Variants in EDNRA observed in about 807,000 individuals in gnomAD.
The protein encoded by EDNRA is endothelin receptor type A, also known as endothelin-1 receptor.
Under a neutral mutation model 41.4 loss-of-function variants are expected in EDNRA, and 11 were observed. The ratio of observed to expected loss-of-function variants is 0.27; its 90% CI spans 0.17 to 0.44. The LOEUF is 0.44. Ranked by LOEUF, EDNRA falls within the 20% of genes least tolerant of loss-of-function variation. The probability of loss-of-function intolerance (pLI) is 1.00; values close to 1 mark genes in which losing one functional copy is unlikely to be tolerated. For synonymous variants in EDNRA, 172 were observed against 183.0 expected (o/e 0.94, Z 0.49); for missense variants, 294 against 531.0 (o/e 0.55, Z 4.39).
At chr4:147,513,606 CAG>C (rs1729998305) in intron 2 of EDNRA, among the ~76,000 whole-genome samples, 2 of 152,142 alleles carry the variant, frequency 1.3e-5, no homozygotes, top group Non-Finnish European at 2.9e-5. Flanking sequence ...TTTTACATCC[CAG>C]TCCCTTCCCC....
In EDNRA at chr4:147,540,164, T is replaced by C. The variant is rs553629420; in HGVS notation, c.1035-213T>C. Among the ~76,000 whole-genome samples, 14 of 152,292 alleles carry C rather than the reference T, an allele frequency of 9.2e-5. 1 individual carries two copies. Among genetic ancestry groups the C allele is most frequent in the South Asian group, 8.3e-4 (4 of 4,826 alleles). Reference sequence around the variant, plus strand: ...GCCCCTCCCCTCCTGAGGCTGTGCATAAGGGTTTGAGCTAACCAACTAGTG... The same window carrying C: ...GCCCCTCCCCTCCTGAGGCTGTGCACAAGGGTTTGAGCTAACCAACTAGTG... On this transcript the variant is annotated intron_variant, in intron 6 of 7. Coordinates refer to ENST00000651419, the MANE Select transcript of EDNRA (RefSeq NM_001957.4).
chr4:147,481,573 C>G (rs1213537783), intron 1 of EDNRA, among the ~76,000 whole-genome samples, 197 bp downstream of exon 1: 1 of 152,222 alleles, frequency 6.6e-6, no homozygotes, highest in East Asian at 1.9e-4. Context: ...CGGGCGCCTT[C>G]CGTGAGGGGT....
chr4:147,491,382 A>C (rs1010237907), intron 2 of EDNRA: 2 of 152,220 alleles, frequency 1.3e-5, no homozygotes, highest in African/African-American at 4.8e-5. Flanking sequence ...GCTTCTTGAC[A>C]TATCAAATCA....
rs1004523915 is a variant in EDNRA, at chr4:147,486,652, C to T, written c.420+551C>T. Among the ~76,000 whole-genome samples the T allele has an allele frequency of 5.3e-5, 8 of 152,122 alleles. No individual in the cohort carries two copies. Among genetic ancestry groups the T allele is most frequent in the African/African-American group, 1.9e-4 (8 of 41,430 alleles). On this transcript the variant is annotated intron_variant, in intron 2 of 7. Coordinates refer to ENST00000651419, the MANE Select transcript of EDNRA (RefSeq NM_001957.4). This position sits in a 1 kb window ranked among gnomAD's most constrained non-coding sequence, Gnocchi z 4.3. ...ATGGGTGACTTAGAGATAATGGGGT[C>T]CACATGATAGCAGGCCACTGTTGAC...
chr4:147,539,775 A>T (rs1201521560), intron 5 of EDNRA, 42 bp from the exon 6 acceptor site: 1 of 1,592,654 alleles, frequency 6.3e-7, no homozygotes, highest in East Asian at 2.2e-5. Context: ...TAGTATAAAA[A>T]CACTAAATTT....
intron 2 of EDNRA, among the ~76,000 whole-genome samples, chr4:147,504,677 G>A (rs1037373638): frequency 2.0e-5 from 3 of 152,026 alleles, no homozygotes; most frequent in African/African-American, 7.3e-5. Context: ...ACAACAGCCG[G>A]GTGCGGTGGT....
chr4:147,540,542 C>G, intron 7 of EDNRA, 57 bp downstream of exon 7: 2 of 1,196,218 alleles, frequency 1.7e-6, no homozygotes, highest in Non-Finnish European at 2.4e-6. Flanking sequence ...ATTAAACAGT[C>G]AACAGACACA....
intron 2 of EDNRA, among the ~76,000 whole-genome samples, chr4:147,503,937 T>C (rs1175173023): frequency 6.6e-6 from 1 of 151,946 alleles, no homozygotes; most frequent in Non-Finnish European, 1.5e-5. Flanking sequence ...AAATGATATA[T>C]TTTTATGAAA....
Position 147,486,065 on chromosome 4 carries a change from C to G in EDNRA, c.384C>G (p.Ile128Met), listed in dbSNP as rs1728936121. The G allele has an allele frequency of 6.2e-7, 1 of 1,613,946 alleles. No individual in the cohort carries two copies. Among genetic ancestry groups the G allele is most frequent in the South Asian group, 1.1e-5 (1 of 91,040 alleles). ...CCAGTCTTGCCCTTGGAGACCTTAT[C>G]TATGTGGTCATTGATCTCCCTATCA... ...LIASLALGDL[I>M]YVVIDLPINV... Residue 128 changes from isoleucine to methionine, a missense_variant, in exon 2 of 8, where the codon ATC becomes ATG. Coordinates refer to ENST00000651419, the MANE Select transcript of EDNRA (RefSeq NM_001957.4). The surrounding 1 kb of genome is among the most constrained non-coding windows in gnomAD (Gnocchi z 4.3).
At chr4:147,501,673 T>C (rs1729521266) in intron 2 of EDNRA, among the ~76,000 whole-genome samples, 1 of 152,252 alleles carries the variant, frequency 6.6e-6, no homozygotes, top group Non-Finnish European at 1.5e-5. Context: ...TGACAGTACA[T>C]CCTGGAGATC....
rs577232882 is a variant in EDNRA, at chr4:147,538,321, G to A, written c.901-1496G>A. 1.1e-4 allele frequency among the ~76,000 whole-genome samples: 16 copies of A among 152,198 alleles called. No homozygotes were observed. The South Asian group carries it at 2.1e-3, about 20-fold the overall frequency. On this transcript the variant is annotated intron_variant, in intron 5 of 7. Coordinates refer to ENST00000651419, the MANE Select transcript of EDNRA (RefSeq NM_001957.4). ...CCCTATACTTCTCAGTAGCTCTTCC[G>A]GAAACCCATGCAATGGTTTCTATTT...
intron 4 of EDNRA, among the ~76,000 whole-genome samples, chr4:147,533,509 A>G (rs1236589413): frequency 6.6e-6 from 1 of 152,240 alleles, no homozygotes; most frequent in East Asian, 1.9e-4. Flanking sequence ...GTAATTATTT[A>G]CAGACATCTC....
intron 3 of EDNRA, among the ~76,000 whole-genome samples, chr4:147,521,384 A>G (rs1156959191): frequency 6.6e-6 from 1 of 152,202 alleles, no homozygotes; most frequent in Non-Finnish European, 1.5e-5. Flanking sequence ...GATTTGTAGG[A>G]AAGTCTAGGG....
At chr4:147,527,985 G>A (rs994961707) in intron 3 of EDNRA, among the ~76,000 whole-genome samples, 2 of 152,168 alleles carry the variant, frequency 1.3e-5, no homozygotes, top group African/African-American at 4.8e-5. Context: ...TCCTCTAAAA[G>A]TATTAGCTTT....
chr4:147,529,568 A>G (rs951752404), intron 3 of EDNRA, among the ~76,000 whole-genome samples: 1 of 152,180 alleles, frequency 6.6e-6, no homozygotes, highest in African/African-American at 2.4e-5. Flanking sequence ...TGTGGTGGAA[A>G]TCAAGTGAAG....
chr4:147,505,582 TC>T (rs1729678450), intron 2 of EDNRA, among the ~76,000 whole-genome samples: 1 of 149,352 alleles, frequency 6.7e-6, no homozygotes, highest in South Asian at 2.1e-4. Context: ...CCTCAGGCGA[TC>T]CACCCACCTC....
chr4:147,488,788 T>C (rs1729032525), intron 2 of EDNRA: 1 of 152,232 alleles, frequency 6.6e-6, no homozygotes, highest in Non-Finnish European at 1.5e-5. Context: ...CAAGAGATCC[T>C]TCCAAGCAAT....
chr4:147,491,792 AT>A (rs1259552381), intron 2 of EDNRA: 1 of 152,240 alleles, frequency 6.6e-6, no homozygotes, highest in East Asian at 1.9e-4. Flanking sequence ...TCATCATAAA[AT>A]TAGCTATAGA....
intron 2 of EDNRA, among the ~76,000 whole-genome samples, chr4:147,510,168 T>C (rs929731635): frequency 6.6e-6 from 1 of 152,210 alleles, no homozygotes; most frequent in African/African-American, 2.4e-5. Context: ...TGTGGAACAA[T>C]GTATCTAGTC....
Sources: allele counts gnomAD v4.1 joint callset (sites outside exome capture counted in the v4.1 genomes callset), GRCh38; gene constraint gnomAD v4.1.1; non-coding constraint Gnocchi (gnomAD v3.1); transcripts MANE v1.5; gene names NCBI Gene and HGNC (gene_info 2026-07-23, HGNC 2026-07-21).